CACNA1B: variants seen among roughly 807,000 people sequenced by gnomAD.
CACNA1B encodes calcium voltage-gated channel subunit alpha1 B.
A neutral mutation model predicts 247.2 loss-of-function variants in CACNA1B; 70 were observed. The observed-to-expected ratio is 0.28, with a 90% CI of 0.23 to 0.35. The LOEUF (loss-of-function observed/expected upper bound fraction) is 0.35, where lower values mean the gene tolerates loss of function less well. Among genes scored for constraint, CACNA1B ranks in the 10% least tolerant of loss-of-function variants. CACNA1B has a pLI of 1.00. For missense variants in CACNA1B, 2,367 were observed against 3,197.4 expected (o/e 0.74, Z 6.26); for synonymous variants, 1,231 against 1,294.4 (o/e 0.95, Z 1.05).
rs1054771608 is a variant in CACNA1B at position 137,913,996 on chromosome 9, G to A, written c.623-658G>A. On this transcript the variant is annotated intron_variant, in intron 4 of 46. Transcript: ENST00000371372. The surrounding 1 kb of genome is among the most constrained non-coding windows in gnomAD (Gnocchi z 5.2). ...GAAGGGGAGGGGTCAAGGTTTACAG[G>A]CTCCTCTGCCCAGTTCCTCACATGC... Among the ~76,000 whole-genome samples, 4 of 152,204 alleles carry A rather than the reference G, an allele frequency of 2.6e-5. No individual in the cohort carries two copies. Among genetic ancestry groups the A allele is most frequent in the Non-Finnish European group, 5.9e-5 (4 of 68,038 alleles).
Position 138,073,595 on chromosome 9 carries a change from G to A in CACNA1B, c.4782G>A (p.Gln1594=). The change falls in exon 33 of 47, where the codon CAG becomes CAA. Residue 1594 remains glutamine (Q), a synonymous_variant. Transcript: ENST00000371372. This position sits in a 1 kb window ranked among gnomAD's most constrained non-coding sequence, Gnocchi z 6.4. ...TIRILLWTFV[Q]SFKALPYVCL... The stretch of plus-strand genomic sequence containing the variant: ...GCATCCTGCTGTGGACCTTTGTCCA[G>A]TCCTTCAAGGTGGGCCAGGCGGGGG... 2 of 1,591,590 alleles carry A rather than the reference G, an allele frequency of 1.3e-6. No individual in the cohort carries two copies. The highest frequency in any genetic ancestry group is 1.7e-6 in the Non-Finnish European group (2 of 1,159,726).
chr9:137,879,049 C>A lies in CACNA1B; in HGVS notation c.285-5C>A. Reference sequence around the variant, plus strand: ...CGTCTGCCGGCCAGTCCTTAACTCACGCACTCCATTCGAGTATATGATCCT... The same window carrying A: ...CGTCTGCCGGCCAGTCCTTAACTCAAGCACTCCATTCGAGTATATGATCCT... On this transcript the variant is annotated splice_polypyrimidine_tract_variant and splice_region_variant and intron_variant, in intron 1 of 46. Coordinates refer to ENST00000371372, the MANE Select transcript of CACNA1B (RefSeq NM_000718.4). The A allele has an allele frequency of 6.2e-7, 1 of 1,600,884 alleles. No individual in the cohort carries two copies. Among genetic ancestry groups the A allele is most frequent in the South Asian group, 1.1e-5 (1 of 90,282 alleles).
intron 3 of CACNA1B, among the ~76,000 whole-genome samples, chr9:137,909,662 G>A (rs1957339101): frequency 6.6e-6 from 1 of 152,188 alleles, no homozygotes; most frequent in Admixed American, 6.5e-5. Context: ...GCTGCTATGA[G>A]CGTTGCTGTC....
At position 137,917,535 on chromosome 9, in the gene CACNA1B, GC is replaced by G; in HGVS notation, c.966+107del. The G allele has an allele frequency of 9.9e-7, 1 of 1,010,972 alleles. No homozygotes were observed. Among genetic ancestry groups the G allele is most frequent in the Non-Finnish European group, 1.5e-6 (1 of 674,482 alleles). The allele number at this position is 1,010,972 out of a possible 1,614,324, so 62.6% of individuals were successfully genotyped here. ...GGGCCCTTCTGACCTCAGAGCCTCT[GC>G]CCAGCCCTAGGCTCCTCCCTGCACC... On this transcript the variant is annotated intron_variant, in intron 6 of 46. Coordinates refer to ENST00000371372, the MANE Select transcript of CACNA1B (RefSeq NM_000718.4). The surrounding 1 kb of genome is among the most constrained non-coding windows in gnomAD (Gnocchi z 5.5).
rs200294825 is a variant in CACNA1B, at chr9:138,043,870, G to A, written c.3383G>A (p.Ser1128Asn). The change falls in exon 21 of 47, where the codon AGC (serine) becomes AAC (asparagine). Residue 1128 changes from serine to asparagine, a missense_variant. This residue lies in a region of CACNA1B where 631 missense variants were observed against 631.1 expected (regional missense o/e 1.00). Coordinates refer to ENST00000371372, the MANE Select transcript of CACNA1B (RefSeq NM_000718.4). The stretch of plus-strand genomic sequence containing the variant: ...GGCCCCCGGCCTATCGTCCCATACA[G>A]CTCCATGTTCTGTTTAAGCCCCACC... Reference protein sequence around the residue: ...RSGPRPIVPYSSMFCLSPTNL... With the variant: ...RSGPRPIVPYNSMFCLSPTNL... 4 of 1,614,008 alleles carry A rather than the reference G, an allele frequency of 2.5e-6. No individual in the cohort carries two copies. Among genetic ancestry groups the A allele is most frequent in the East Asian group, 2.2e-5 (1 of 44,878 alleles).
At chr9:137,995,240 A>C (rs778362248) in intron 15 of CACNA1B, among the ~76,000 whole-genome samples, 28 of 152,060 alleles carry the variant, frequency 1.8e-4, no homozygotes, top group Admixed American at 1.2e-3. Flanking sequence ...AAAATCAGCA[A>C]AAAGAACAAA....
At chr9:137,942,121 A>G (rs1236916116) in intron 6 of CACNA1B, among the ~76,000 whole-genome samples, 3 of 152,198 alleles carry the variant, frequency 2.0e-5, no homozygotes, top group Non-Finnish European at 2.9e-5. Flanking sequence ...CAATGAACTC[A>G]AACAAATTAG....
At chr9:138,110,920 GCAAA>G (rs1294055837) in intron 39 of CACNA1B, among the ~76,000 whole-genome samples, 3 of 151,756 alleles carry the variant, frequency 2.0e-5, no homozygotes, top group African/African-American at 7.3e-5. Context: ...TATATGGAAG[GCAAA>G]CAAACACATG....
intron 31 of CACNA1B, among the ~76,000 whole-genome samples, chr9:138,068,418 C>A (rs971766097): frequency 1.1e-4 from 17 of 152,206 alleles, no homozygotes; most frequent in Middle Eastern, 3.4e-3. Flanking sequence ...TCTGAGTAAT[C>A]CAAGCAAAAA....
In CACNA1B at chr9:137,977,850, G is replaced by T. The variant is rs1288651699; in HGVS notation, c.1656+1831G>T. On this transcript the variant is annotated intron_variant, in intron 12 of 46. Transcript: ENST00000371372. ...GAGTGGGAGCATTGCCCCTCTCAGG[G>T]TGGAGTGAAGGGTGGGAGCAGAGTC... Among the ~76,000 whole-genome samples, 4 of 152,060 alleles carry T rather than the reference G, an allele frequency of 2.6e-5. No individual in the cohort carries two copies. The South Asian group carries it at 6.2e-4, about 24-fold the overall frequency.
Position 138,052,807 on chromosome 9 carries a change from C to T in CACNA1B, c.3807+619C>T, listed in dbSNP as rs536089691. 3.3e-5 allele frequency among the ~76,000 whole-genome samples: 5 copies of T among 152,282 alleles called. No individual in the cohort carries two copies. Among genetic ancestry groups the T allele is most frequent in the East Asian group, 1.9e-4 (1 of 5,182 alleles). On this transcript the variant is annotated intron_variant, in intron 25 of 46. Transcript: ENST00000371372. The surrounding 1 kb of genome is among the most constrained non-coding windows in gnomAD (Gnocchi z 5.1). ...GCTGGCAGGCAGCTGGGGAAGGCGT[C>T]GGAGGCCCACTGGGTCCAGGGAGGA... is the stretch of plus-strand genomic sequence containing the variant.
In CACNA1B at chr9:137,913,047, T is replaced by C; in HGVS notation, c.531-133T>C. 1.5e-6 allele frequency: 1 copy of C among 688,278 alleles called. No homozygotes were observed. Among genetic ancestry groups the C allele is most frequent in the Non-Finnish European group, 2.5e-6 (1 of 393,180 alleles). The allele number at this position is 688,278 out of a possible 1,614,324, so 42.6% of individuals were successfully genotyped here. ...GGGGACACAGGTGCTGGCCCTGTGG[T>C]TGGACAGTGGGGACACAGGAATGAA... On this transcript the variant is annotated intron_variant, in intron 3 of 46. Transcript: ENST00000371372. The surrounding 1 kb of genome is among the most constrained non-coding windows in gnomAD (Gnocchi z 5.2).
At chr9:138,086,758 A>G (rs762140664) in intron 36 of CACNA1B, among the ~76,000 whole-genome samples, 1 of 151,248 alleles carries the variant, frequency 6.6e-6, no homozygotes, top group Non-Finnish European at 1.5e-5. Context: ...TCATCTAGAC[A>G]GAAAATCAAC....
Position 137,913,125 on chromosome 9 carries a change from C to T in CACNA1B, c.531-55C>T, listed in dbSNP as rs192865893. 4 of 1,421,500 alleles carry T rather than the reference C, an allele frequency of 2.8e-6. No homozygotes were observed. The highest frequency in any genetic ancestry group is 2.3e-5 in the East Asian group (1 of 43,788). The allele number at this position is 1,421,500 out of a possible 1,614,324, so 88.1% of individuals were successfully genotyped here. ...CCTGGTGGTGGGAGGAGTGTGTCCTCTTCCAGGCTCAATGTGGAAACCTTT... is the reference window on the plus strand; with the variant it reads ...CCTGGTGGTGGGAGGAGTGTGTCCTTTTCCAGGCTCAATGTGGAAACCTTT... On this transcript the variant is annotated intron_variant, in intron 3 of 46. Transcript: ENST00000371372. The surrounding 1 kb of genome is among the most constrained non-coding windows in gnomAD (Gnocchi z 5.2).
Position 138,060,452 on chromosome 9 carries a change from C to T in CACNA1B, c.4668+715C>T, listed in dbSNP as rs147480432. Among the ~76,000 whole-genome samples, 418 of 152,302 alleles carry T rather than the reference C, an allele frequency of 2.7e-3. 1 individual carries two copies. Among genetic ancestry groups the T allele is most frequent in the African/African-American group, 9.7e-3 (404 of 41,550 alleles). ...GGGAAGAGAAGGACCAGAAATCCTG[C>T]GTCCCAAGCCAAGTCCTGGTGGGTC... is the stretch of plus-strand genomic sequence containing the variant. On this transcript the variant is annotated intron_variant, in intron 31 of 46. Coordinates refer to ENST00000371372, the MANE Select transcript of CACNA1B (RefSeq NM_000718.4).
At chr9:138,084,121 G>A (rs1960617213) in intron 36 of CACNA1B, among the ~76,000 whole-genome samples, 1 of 151,088 alleles carries the variant, frequency 6.6e-6, no homozygotes, top group Non-Finnish European at 1.5e-5. Context: ...AGCTGCTAGG[G>A]AATGGCTTAG....
Position 138,120,335 on chromosome 9 carries a change from G to A in CACNA1B, c.6201G>A (p.Leu2067=). The A allele has an allele frequency of 6.4e-7, 1 of 1,559,406 alleles. No homozygotes were observed. ...GCAGGGACAGGAAGCAGAGGTCCCTGGAGAAGGGGCCCAGCCTGTCTGCCG... is the reference window on the plus strand; with the variant it reads ...GCAGGGACAGGAAGCAGAGGTCCCTAGAGAAGGGGCCCAGCCTGTCTGCCG... The part of the protein sequence containing the change: ...HRRRDRKQRS[L]EKGPSLSADM... Residue 2067 remains leucine, a synonymous_variant, in exon 45 of 47, where the codon CTG becomes CTA. Transcript: ENST00000371372.
At chr9:137,908,670 G>A (rs1032372265) in intron 3 of CACNA1B, among the ~76,000 whole-genome samples, 18 of 151,682 alleles carry the variant, frequency 1.2e-4, no homozygotes, top group African/African-American at 3.6e-4. Context: ...TTGCTCTGTC[G>A]CCCAGGCTTG....
rs927637291 is a variant in CACNA1B, at chr9:138,034,391, G to A, written c.3286+9219G>A. ...GCAGGGGCTTTGGGATGGTGGTGAG[G>A]GTGGAAGTCTAGGCTCCCCACCCAG... is the stretch of plus-strand genomic sequence containing the variant. On this transcript the variant is annotated intron_variant, in intron 20 of 46. Coordinates refer to ENST00000371372, the MANE Select transcript of CACNA1B (RefSeq NM_000718.4). Among the ~76,000 whole-genome samples, 68 of 151,902 alleles carry A rather than the reference G, an allele frequency of 4.5e-4. 3 individuals carry two copies. The highest frequency in any genetic ancestry group is 8.8e-5 in the Non-Finnish European group (6 of 67,992).
Sources: allele counts gnomAD v4.1 joint callset (sites outside exome capture counted in the v4.1 genomes callset), GRCh38; gene constraint gnomAD v4.1.1; regional missense constraint gnomAD v4.1.1; non-coding constraint Gnocchi (gnomAD v3.1); transcripts MANE v1.5; gene names NCBI Gene and HGNC (gene_info 2026-07-23, HGNC 2026-07-21).